Variants in B3GAT2 observed in about 807,000 individuals in gnomAD.
B3GAT2 encodes the protein galactosylgalactosylxylosylprotein 3-beta-glucuronosyltransferase 2.
In B3GAT2, 26 loss-of-function variants were observed where a neutral mutation model predicts 27.8. The ratio of observed to expected loss-of-function variants is 0.93; its 90% CI spans 0.68 to 1.30. The LOEUF is 1.30. B3GAT2 is among the 50% of genes most tolerant of loss of function. B3GAT2 has a pLI of 0.00. For missense variants in B3GAT2, 458 were observed against 459.0 expected, an observed-to-expected ratio of 1.00 and a Z score of 0.02; for synonymous variants, 218 against 195.1, an observed-to-expected ratio of 1.12 and a Z score of -0.98.
intron 1 of B3GAT2, among the ~76,000 whole-genome samples, chr6:70,929,212 G>A (rs571972426): frequency 6.6e-6 from 1 of 152,148 alleles, no homozygotes; most frequent in South Asian, 2.1e-4. Flanking sequence ...GTAGGGAGAG[G>A]GGGGAGGGAT....
rs1365721434 is a variant in B3GAT2, at chr6:70,858,005, G to A, written c.*3658C>T. 1.2e-6 allele frequency: 2 copies of A among 1,614,160 alleles called. No homozygotes were observed. The highest frequency in any genetic ancestry group is 1.7e-5 in the Admixed American group (1 of 60,028). On this transcript the variant is annotated 3_prime_UTR_variant, in exon 4 of 4. Transcript: ENST00000230053. ...GGGCTTTCCATCGATGGGCGTGCCT[G>A]TGCCTGCAGCTCCTGGCCTTATAGG...
Position 70,856,721 on chromosome 6 carries a change from C to A in B3GAT2, c.*4942G>T. On this transcript the variant is annotated 3_prime_UTR_variant, in exon 4 of 4. Transcript: ENST00000230053. ...ATATGGGCTTGGGCTTGTAAGTGAT[C>A]CTCTTGAATGGCACCATTTTACCTT... 1.3e-6 allele frequency: 1 copy of A among 773,762 alleles called. No individual in the cohort carries two copies. Among genetic ancestry groups the A allele is most frequent in the Non-Finnish European group, 2.0e-6 (1 of 506,598 alleles). The allele number at this position is 773,762 out of a possible 1,614,324, so 47.9% of individuals were successfully genotyped here. A position where few individuals can be genotyped will look rare whatever the true frequency, so the allele number is the denominator to read the frequency against.
chr6:70,870,772 T>C (rs1771921452), intron 2 of B3GAT2, among the ~76,000 whole-genome samples: 2 of 152,170 alleles, frequency 1.3e-5, no homozygotes, highest in South Asian at 2.1e-4. Flanking sequence ...TAAGCTATAG[T>C]GCAATGGTGT....
chr6:70,890,593 A>G (rs1171959949), intron 2 of B3GAT2, among the ~76,000 whole-genome samples: 2 of 152,182 alleles, frequency 1.3e-5, no homozygotes, highest in Non-Finnish European at 2.9e-5. Context: ...CATTCTAGCA[A>G]ATTAGCAAAC....
chr6:70,870,102 T>A (rs556833400), intron 2 of B3GAT2, among the ~76,000 whole-genome samples: 122 of 152,124 alleles, frequency 8.0e-4, no homozygotes, highest in African/African-American at 2.9e-3. Flanking sequence ...GTATGTTTAT[T>A]GCGGCACTAT....
chr6:70,936,659 T>C (rs1374670653), intron 1 of B3GAT2, among the ~76,000 whole-genome samples: 1 of 150,520 alleles, frequency 6.6e-6, no homozygotes, highest in African/African-American at 2.5e-5. Flanking sequence ...GACTACTGGG[T>C]ACATAACGAA....
intron 1 of B3GAT2, among the ~76,000 whole-genome samples, chr6:70,908,123 C>T (rs372333149): frequency 6.6e-5 from 10 of 152,142 alleles, no homozygotes; most frequent in East Asian, 5.8e-4. Flanking sequence ...AAAACTTTAA[C>T]CACAGTATCA....
rs1232244319 is a variant in B3GAT2, at chr6:70,860,666, A to ATGTT, written c.*993_*996dup. The ATGTT allele has an allele frequency of 1.4e-5, 6 of 417,418 alleles. No homozygotes were observed. The highest frequency in any genetic ancestry group is 2.1e-5 in the Non-Finnish European group (5 of 236,782). The allele number at this position is 417,418 out of a possible 1,614,324, so 25.9% of individuals were successfully genotyped here. On this transcript the variant is annotated 3_prime_UTR_variant, in exon 4 of 4. Transcript: ENST00000230053. ...TTTGCATATAAGGGAAGTAGTTATCATGTTAGTAATACCTCTAATAGTATA... is the reference window on the plus strand; with the variant it reads ...TTTGCATATAAGGGAAGTAGTTATCATGTTTGTTAGTAATACCTCTAATAGTATA...
At chr6:70,904,160 C>A (rs1172488190) in intron 1 of B3GAT2, among the ~76,000 whole-genome samples, 1 of 152,066 alleles carries the variant, frequency 6.6e-6, no homozygotes, top group Non-Finnish European at 1.5e-5. Context: ...TAGTGTTATT[C>A]CACTTACATG....
chr6:70,939,336 C>A (rs561442482), intron 1 of B3GAT2, among the ~76,000 whole-genome samples: 2 of 142,214 alleles, frequency 1.4e-5, no homozygotes, highest in South Asian at 2.4e-4. Context: ...GAAGTCAGTG[C>A]GGCGATTCCT....
At chr6:70,866,301 G>A (rs1207808137) in intron 2 of B3GAT2, among the ~76,000 whole-genome samples, 1 of 152,166 alleles carries the variant, frequency 6.6e-6, no homozygotes, top group Non-Finnish European at 1.5e-5. Context: ...AGATGGTTTT[G>A]CCTAACAAAC....
intron 2 of B3GAT2, among the ~76,000 whole-genome samples, chr6:70,869,273 C>T (rs9364109): frequency 0.13 from 20,120 of 152,082 alleles, 2,676 homozygotes; most frequent in East Asian, 0.48. Context: ...CCTCAGCCTC[C>T]TGAGTAGCTG....
chr6:70,910,152 C>T (rs1252083906), intron 1 of B3GAT2, among the ~76,000 whole-genome samples: 4 of 152,140 alleles, frequency 2.6e-5, no homozygotes, highest in Non-Finnish European at 1.5e-5. Context: ...GGATTACAGG[C>T]GTGAGCCACT....
At chr6:70,949,348 C>G (rs1765542215) in intron 1 of B3GAT2, among the ~76,000 whole-genome samples, 1 of 152,136 alleles carries the variant, frequency 6.6e-6, no homozygotes, top group Non-Finnish European at 1.5e-5. Context: ...TGAACTCAAA[C>G]AAATTTACAA....
chr6:70,896,576 A>G (rs1164746635), intron 1 of B3GAT2, among the ~76,000 whole-genome samples: 4 of 152,136 alleles, frequency 2.6e-5, no homozygotes, highest in African/African-American at 7.2e-5. Flanking sequence ...GGAAACCCCA[A>G]TCTCCTTTCT....
At chr6:70,901,610 G>A (rs189878564) in intron 1 of B3GAT2, among the ~76,000 whole-genome samples, 126 of 152,308 alleles carry the variant, frequency 8.3e-4, no homozygotes, top group African/African-American at 2.9e-3. Flanking sequence ...TGAAAGTGGC[G>A]TAGAGTGGCT....
intron 1 of B3GAT2, among the ~76,000 whole-genome samples, chr6:70,947,330 A>T (rs1765504854): frequency 6.6e-6 from 1 of 152,074 alleles, no homozygotes; most frequent in African/African-American, 2.4e-5. Flanking sequence ...TTGATAGACC[A>T]CTAGCAAGAC....
intron 2 of B3GAT2, among the ~76,000 whole-genome samples, chr6:70,881,621 G>A (rs897569573): frequency 4.6e-5 from 7 of 152,100 alleles, no homozygotes; most frequent in Non-Finnish European, 8.8e-5. Flanking sequence ...CATGTTAATG[G>A]GAGGAAACTG....
At chr6:70,862,572 A>G (rs1021898892) in intron 2 of B3GAT2, among the ~76,000 whole-genome samples, 3 of 152,186 alleles carry the variant, frequency 2.0e-5, no homozygotes, top group African/African-American at 7.2e-5. Context: ...TGTGGGGCAG[A>G]AATCAGTGCA....
Sources: allele counts gnomAD v4.1 joint callset (sites outside exome capture counted in the v4.1 genomes callset), GRCh38; gene constraint gnomAD v4.1.1; transcripts MANE v1.5; gene names NCBI Gene and HGNC (gene_info 2026-07-23, HGNC 2026-07-21).